The following SFTPD variants were observed in gnomAD, a reference collection of about 807,000 sequenced individuals.
SFTPD encodes pulmonary surfactant-associated protein D.
Under a neutral mutation model 34.6 loss-of-function variants are expected in SFTPD, and 18 were observed. The ratio of observed to expected loss-of-function variants is 0.52; its 90% CI spans 0.36 to 0.77. SFTPD has a LOEUF of 0.77. Ranked by LOEUF, SFTPD falls within the 30% of genes least tolerant of loss-of-function variation. The pLI is 0.00. For missense variants in SFTPD, 433 were observed against 468.9 expected, an observed-to-expected ratio of 0.92 and a Z score of 0.71; for synonymous variants, 155 against 180.9, an observed-to-expected ratio of 0.86 and a Z score of 1.15.
At chr10:79,960,777 C>T (rs1371748587) in intron 1 of SFTPD, among the ~76,000 whole-genome samples, 1 of 152,136 alleles carries the variant, frequency 6.6e-6, no homozygotes, top group African/African-American at 2.4e-5. Context: ...ACTTTCTTCA[C>T]AGAATTGGAA....
upstream of SFTPD, among the ~76,000 whole-genome samples, chr10:79,953,552 T>A (rs1842722917): frequency 6.6e-6 from 1 of 152,072 alleles, no homozygotes; most frequent in Non-Finnish European, 1.5e-5. Flanking sequence ...AGTTTTCTCC[T>A]GCTGCTTTCA....
intron 1 of SFTPD, among the ~76,000 whole-genome samples, chr10:79,976,151 T>C (rs1249147383): frequency 6.6e-6 from 1 of 152,204 alleles, no homozygotes; most frequent in Non-Finnish European, 1.5e-5. Flanking sequence ...GAAAAACAAG[T>C]TTCTCTTTTG....
At chr10:79,947,691 GA>G (rs986649098) in intron 1 of SFTPD, among the ~76,000 whole-genome samples, 1 of 150,826 alleles carries the variant, frequency 6.6e-6, no homozygotes. Flanking sequence ...CTCCATCTCA[GA>G]AAAAAAAAGA....
chr10:79,955,363 G>C (rs1838808659), intron 1 of SFTPD, among the ~76,000 whole-genome samples: 1 of 152,002 alleles, frequency 6.6e-6, no homozygotes, highest in South Asian at 2.1e-4. Flanking sequence ...TGAAGAGTAA[G>C]GTTTTATCTT....
At chr10:79,962,903 C>T (rs1842781297) in intron 1 of SFTPD, among the ~76,000 whole-genome samples, 1 of 152,092 alleles carries the variant, frequency 6.6e-6, no homozygotes, top group Non-Finnish European at 1.5e-5. Context: ...TTAAAGTTGA[C>T]TCTTTCAGGT....
intron 1 of SFTPD, chr10:79,969,982 C>T (rs571519474): frequency 6.6e-5 from 10 of 152,270 alleles, no homozygotes; most frequent in East Asian, 3.9e-4. Context: ...GGACTGTTCC[C>T]CGTGTTTTCT....
chr10:79,974,237 G>A (rs760765120), intron 1 of SFTPD, among the ~76,000 whole-genome samples: 24 of 151,890 alleles, frequency 1.6e-4, no homozygotes, highest in Non-Finnish European at 2.8e-4. Context: ...GCACGATCTC[G>A]GCTCACTGCA....
intron 7 of SFTPD, among the ~76,000 whole-genome samples, chr10:79,939,796 C>A (rs533749188): frequency 2.8e-4 from 43 of 152,304 alleles, no homozygotes; most frequent in African/African-American, 9.6e-4. Context: ...AAACTTTAAT[C>A]TTTTATTTTT....
intron 3 of SFTPD, 45 bp from the exon 4 acceptor site, chr10:79,942,549 G>C: frequency 1.5e-6 from 2 of 1,297,116 alleles, no homozygotes; most frequent in Non-Finnish European, 2.2e-6. Context: ...AATCCTCTTG[G>C]CAGGAGGAGT....
intron 1 of SFTPD, among the ~76,000 whole-genome samples, chr10:79,965,828 C>T (rs1170455982): frequency 2.5e-4 from 12 of 48,574 alleles, no homozygotes; most frequent in South Asian, 8.5e-4. Flanking sequence ...TGAGAATATG[C>T]GGTGTTTGGT....
At chr10:79,976,866 A>C (rs1485353813) in intron 1 of SFTPD, among the ~76,000 whole-genome samples, 1 of 152,174 alleles carries the variant, frequency 6.6e-6, no homozygotes, top group Non-Finnish European at 1.5e-5. Context: ...AGGTAATTGA[A>C]TCATGAGGGC....
chr10:79,959,701 A>G (rs1258703333), intron 1 of SFTPD, among the ~76,000 whole-genome samples: 3 of 152,238 alleles, frequency 2.0e-5, no homozygotes, highest in Admixed American at 6.5e-5. Flanking sequence ...TTCACAGCCA[A>G]ATTCTACCAG....
At chr10:79,981,505 C>G (rs569835116) in intron 1 of SFTPD, among the ~76,000 whole-genome samples, 1 of 152,152 alleles carries the variant, frequency 6.6e-6, no homozygotes, top group Admixed American at 6.5e-5. Flanking sequence ...ACCTCCTCCC[C>G]GCCTGGGCAC....
intron 1 of SFTPD, among the ~76,000 whole-genome samples, chr10:79,960,743 G>C (rs1254951308): frequency 6.6e-6 from 1 of 152,114 alleles, no homozygotes; most frequent in Non-Finnish European, 1.5e-5. Context: ...TAGATTCAAG[G>C]CCATCCCCAT....
intron 1 of SFTPD, among the ~76,000 whole-genome samples, chr10:79,966,914 C>G (rs1842805987): frequency 6.8e-6 from 1 of 147,858 alleles, no homozygotes; most frequent in Admixed American, 6.7e-5. Context: ...CCCTCTCTCA[C>G]TGCTCCTATT....
chr10:79,980,255 A>C (rs753351676), intron 1 of SFTPD, among the ~76,000 whole-genome samples: 1 of 151,686 alleles, frequency 6.6e-6, no homozygotes, highest in Non-Finnish European at 1.5e-5. Flanking sequence ...GAAAAGTAAA[A>C]AGGACTTTGT....
At chr10:79,972,529 C>T (rs1015230646) in intron 1 of SFTPD, 2 of 152,006 alleles carry the variant, frequency 1.3e-5, no homozygotes, top group African/African-American at 2.4e-5. Flanking sequence ...CACACACACA[C>T]ACACACACGG....
intron 1 of SFTPD, among the ~76,000 whole-genome samples, chr10:79,954,665 C>T (rs1842729043): frequency 1.3e-5 from 2 of 152,086 alleles, no homozygotes; most frequent in African/African-American, 4.8e-5. Context: ...GGAGGTGGAG[C>T]TGTTTGAGTT....
chr10:79,939,968 T>TCG (rs34026028), intron 7 of SFTPD, among the ~76,000 whole-genome samples: 2 of 17,198 alleles, frequency 1.2e-4, no homozygotes, highest in South Asian at 2.6e-3. Flanking sequence ...TAGGGCAAAG[T>TCG]CTGCTTTAAA....
Sources: gnomAD v4.1 joint callset for allele counts (sites outside exome capture counted in the v4.1 genomes callset) on GRCh38, gnomAD v4.1.1 for gene constraint, MANE v1.5 for transcripts, NCBI Gene and HGNC (gene_info 2026-07-23, HGNC 2026-07-21) for gene names.